Variants in ABI3BP observed in about 807,000 individuals in gnomAD.
ABI3BP encodes ABI family member 3 binding protein.
ABI3BP carries 216 observed loss-of-function variants against 268.6 expected under a neutral mutation model. That is an observed-to-expected ratio of 0.80 (90% CI 0.72 to 0.90). The LOEUF (loss-of-function observed/expected upper bound fraction) is 0.90, where lower values mean the gene tolerates loss of function less well. Ranked by LOEUF, ABI3BP falls within the 40% of genes least tolerant of loss-of-function variation. The pLI is 0.00. For missense variants in ABI3BP, 2,090 were observed against 2,182.4 expected (o/e 0.96, Z 0.84); for synonymous variants, 730 against 730.0 (o/e 1.00, Z 0.00).
chr3:100,768,594 C>A (rs183141840), intron 62 of ABI3BP, among the ~76,000 whole-genome samples: 1 of 152,220 alleles, frequency 6.6e-6, no homozygotes, highest in Admixed American at 6.5e-5. Flanking sequence ...CGTAAATCCA[C>A]CATTACAAAA....
intron 22 of ABI3BP, 55 bp downstream of exon 22, chr3:100,840,765 A>G: frequency 7.0e-7 from 1 of 1,423,896 alleles, no homozygotes; most frequent in Non-Finnish European, 9.5e-7. Context: ...GTCAACACAG[A>G]TACCAGCAGA....
chr3:100,813,847 A>G, intron 44 of ABI3BP, 112 bp from the exon 45 acceptor site: 2 of 880,644 alleles, frequency 2.3e-6, no homozygotes, highest in Non-Finnish European at 3.5e-6. Flanking sequence ...TCATGAGGTT[A>G]TGGAGAGCCA....
At chr3:100,910,239 T>C (rs2055712536) in intron 2 of ABI3BP, among the ~76,000 whole-genome samples, 1 of 152,020 alleles carries the variant, frequency 6.6e-6, no homozygotes, top group East Asian at 1.9e-4. Context: ...GAGGGGAACA[T>C]CACACACTGA....
intron 14 of ABI3BP, among the ~76,000 whole-genome samples, chr3:100,855,629 G>A (rs1367349436): frequency 6.6e-6 from 1 of 152,228 alleles, no homozygotes; most frequent in Non-Finnish European, 1.5e-5. Context: ...TTCTGGCTTA[G>A]TTTGGAGAAT....
chr3:100,822,523 G>C, intron 38 of ABI3BP, 66 bp downstream of exon 38: 1 of 1,423,394 alleles, frequency 7.0e-7, no homozygotes, highest in Non-Finnish European at 9.6e-7. Context: ...CAACCACTGG[G>C]ATTACTCTTG....
chr3:100,832,648 G>A (rs1289237163), intron 30 of ABI3BP, among the ~76,000 whole-genome samples: 1 of 152,006 alleles, frequency 6.6e-6, no homozygotes, highest in East Asian at 1.9e-4. Flanking sequence ...GTGTGAGAGA[G>A]GTTCTAACCA....
At chr3:100,913,143 C>A (rs902628446) in intron 2 of ABI3BP, among the ~76,000 whole-genome samples, 5 of 152,172 alleles carry the variant, frequency 3.3e-5, no homozygotes, top group African/African-American at 1.2e-4. Context: ...CCACCCACCC[C>A]ACCCATTGTC....
chr3:100,917,002 A>G (rs893757974), intron 2 of ABI3BP, among the ~76,000 whole-genome samples: 4 of 152,240 alleles, frequency 2.6e-5, no homozygotes, highest in African/African-American at 9.6e-5. Context: ...GCCAGATAAA[A>G]CAGGGTATAT....
intron 51 of ABI3BP, among the ~76,000 whole-genome samples, chr3:100,797,157 C>G (rs1342386222): frequency 6.6e-6 from 1 of 151,958 alleles, no homozygotes; most frequent in Admixed American, 6.6e-5. Context: ...GAAAACAAGA[C>G]AAAAATGTCA....
chr3:100,849,459 T>C (rs2098814673), intron 17 of ABI3BP, among the ~76,000 whole-genome samples: 2 of 152,042 alleles, frequency 1.3e-5, no homozygotes, highest in South Asian at 2.1e-4. Context: ...CCTGGCCTCA[T>C]GTGATCTGCC....
intron 49 of ABI3BP, among the ~76,000 whole-genome samples, chr3:100,809,370 C>T (rs1436232176): frequency 3.3e-5 from 5 of 152,082 alleles, no homozygotes; most frequent in Non-Finnish European, 5.9e-5. Context: ...TGATATGCCA[C>T]TTACTTTGCC....
rs1412125524 is a variant in ABI3BP, at chr3:100,811,269, A to T, written c.3502T>A (p.Ser1168Thr). The T allele has an allele frequency of 2.0e-6, 3 of 1,533,982 alleles. No homozygotes were observed. Among genetic ancestry groups the T allele is most frequent in the Non-Finnish European group, 2.6e-6 (3 of 1,145,770 alleles). Residue 1168 changes from serine to threonine, a missense_variant, in exon 48 of 68, where the codon TCT becomes ACT. By Grantham distance (58) the Ser-to-Thr change is moderately conservative. Transcript: ENST00000471714. ...PEEPKTEVVE[S>T]ITYVSEPPET... ...GGTGGTTCAGATACATATGTAATAG[A>T]TTCCACAACTGTACCAAAACAAAGG... is the stretch of plus-strand genomic sequence containing the variant.
intron 1 of ABI3BP, among the ~76,000 whole-genome samples, chr3:100,950,384 G>A (rs1356934636): frequency 6.6e-6 from 1 of 152,178 alleles, no homozygotes; most frequent in African/African-American, 2.4e-5. Flanking sequence ...AGACTTGTAA[G>A]TTATTACTCA....
intron 1 of ABI3BP, among the ~76,000 whole-genome samples, chr3:100,976,839 G>A (rs754039950): frequency 4.6e-5 from 7 of 152,120 alleles, no homozygotes; most frequent in African/African-American, 1.4e-4. Flanking sequence ...GGCACAGGTC[G>A]ACTCTTCTAA....
chr3:100,868,995 T>A (rs2099080916), intron 9 of ABI3BP, among the ~76,000 whole-genome samples: 2 of 152,284 alleles, frequency 1.3e-5, no homozygotes, highest in East Asian at 1.9e-4. Context: ...TGTAAAATTA[T>A]AAGGTTTCCT....
intron 4 of ABI3BP, among the ~76,000 whole-genome samples, chr3:100,894,938 CAAA>C (rs58342344): frequency 1.4e-3 from 54 of 37,702 alleles, no homozygotes; most frequent in South Asian, 4.1e-3. Flanking sequence ...GATTCCGCTT[CAAA>C]AAAAAAAAAA....
chr3:100,754,536 C>CA, intron 64 of ABI3BP, 76 bp downstream of exon 64: 1 of 1,431,366 alleles, frequency 7.0e-7, no homozygotes, highest in Admixed American at 2.0e-5. Flanking sequence ...GGGTTTCAAA[C>CA]AAACTTCCTA....
At chr3:100,823,965 G>A (rs920096733) in intron 36 of ABI3BP, among the ~76,000 whole-genome samples, 4 of 152,180 alleles carry the variant, frequency 2.6e-5, no homozygotes, top group Non-Finnish European at 5.9e-5. Context: ...AATCATTGAA[G>A]TGGACTATGT....
chr3:100,889,528 T>C (rs1289580681), intron 4 of ABI3BP, among the ~76,000 whole-genome samples: 2 of 152,178 alleles, frequency 1.3e-5, no homozygotes, highest in Non-Finnish European at 2.9e-5. Flanking sequence ...AAACGTTAGT[T>C]GACCCTTTTT....
Sources: gnomAD v4.1 joint callset for allele counts (sites outside exome capture counted in the v4.1 genomes callset) on GRCh38, gnomAD v4.1.1 for gene constraint, MANE v1.5 for transcripts, NCBI Gene and HGNC (gene_info 2026-07-23, HGNC 2026-07-21) for gene names.